ABHD5: variants seen among roughly 807,000 people sequenced by gnomAD.
The protein encoded by ABHD5 is 1-acylglycerol-3-phosphate O-acyltransferase ABHD5.
A neutral mutation model predicts 44.9 loss-of-function variants in ABHD5; 30 were observed. That is an observed-to-expected ratio of 0.67 (90% CI 0.50 to 0.91). The LOEUF (loss-of-function observed/expected upper bound fraction) is 0.91, where lower values mean the gene tolerates loss of function less well. Among genes scored for constraint, ABHD5 ranks in the 40% least tolerant of loss-of-function variants. The probability of loss-of-function intolerance (pLI) is 0.00; values close to 1 mark genes in which losing one functional copy is unlikely to be tolerated. For synonymous variants in ABHD5, 167 were observed against 147.0 expected, an observed-to-expected ratio of 1.14 and a Z score of -0.99; for missense variants, 399 against 423.4, an observed-to-expected ratio of 0.94 and a Z score of 0.50.
chr3:43,700,784 G>A (rs752713097), intron 2 of ABHD5, among the ~76,000 whole-genome samples: 11 of 151,254 alleles, frequency 7.3e-5, no homozygotes, highest in Admixed American at 4.6e-4. Flanking sequence ...ATGTTGACCA[G>A]GCTAGTCTTG....
intron 3 of ABHD5, among the ~76,000 whole-genome samples, chr3:43,704,033 CTTTTTTTTTTTT>C (rs10544525): frequency 2.6e-3 from 219 of 84,878 alleles, no homozygotes; most frequent in African/African-American, 0.01. Context: ...TCTTTATTTT[CTTTTTTTTTTTT>C]TTTTTTTTTT....
intron 5 of ABHD5, 106 bp downstream of exon 5, chr3:43,715,164 T>G: frequency 1.2e-6 from 1 of 815,448 alleles, no homozygotes; most frequent in Non-Finnish European, 2.0e-6. Flanking sequence ...ATTTATTTAT[T>G]TATTTATTCA....
intron 1 of ABHD5, among the ~76,000 whole-genome samples, chr3:43,696,544 G>A (rs1342924768): frequency 2.0e-5 from 3 of 152,298 alleles, no homozygotes; most frequent in Admixed American, 6.5e-5. Flanking sequence ...CCCGAAGACA[G>A]GAGGTAGAGT....
intron 6 of ABHD5, among the ~76,000 whole-genome samples, chr3:43,718,088 C>T (rs1244702421): frequency 6.6e-6 from 1 of 152,198 alleles, no homozygotes; most frequent in East Asian, 1.9e-4. Flanking sequence ...CCTAGAGCCA[C>T]AGCATTAGGA....
In ABHD5 at chr3:43,706,957, C is replaced by T. The variant is rs555626984; in HGVS notation, c.506+4370C>T. On this transcript the variant is annotated intron_variant, in intron 3 of 6. Coordinates refer to ENST00000644371, the MANE Select transcript of ABHD5 (RefSeq NM_016006.6). The stretch of plus-strand genomic sequence containing the variant: ...TTATGGGCAGCTCCATTCTTCCATT[C>T]GTTACTTTTATAGGACAGTTTGAAG... 9.9e-4 allele frequency among the ~76,000 whole-genome samples: 151 copies of T among 152,258 alleles called. 1 individual carries two copies. The highest frequency in any genetic ancestry group is 3.5e-3 in the African/African-American group (147 of 41,548).
intron 1 of ABHD5, 196 bp downstream of exon 1, chr3:43,691,235 C>G (rs1305359505): frequency 1.1e-5 from 5 of 466,252 alleles, no homozygotes; most frequent in African/African-American, 2.0e-5. Context: ...AGAGGCTCCC[C>G]TCAGCGTCGG....
intron 5 of ABHD5, among the ~76,000 whole-genome samples, chr3:43,715,341 T>TG (rs1267539584): frequency 2.0e-5 from 3 of 152,062 alleles, no homozygotes; most frequent in Non-Finnish European, 4.4e-5. Flanking sequence ...TTTTGTATTT[T>TG]TAGTAGAGAC....
chr3:43,717,479 C>T (rs376774135), intron 5 of ABHD5, among the ~76,000 whole-genome samples, 192 bp from the exon 6 acceptor site: 1 of 152,216 alleles, frequency 6.6e-6, no homozygotes, highest in Non-Finnish European at 1.5e-5. Context: ...GAGTATACAA[C>T]AGCCTTGCTT....
At chr3:43,723,310 C>G (rs2084856062), downstream of ABHD5, among the ~76,000 whole-genome samples, 1 of 152,058 alleles carries the variant, frequency 6.6e-6, no homozygotes, top group Non-Finnish European at 1.5e-5. Flanking sequence ...TATCAAGTTA[C>G]CCTGATAAGG....
chr3:43,716,205 T>A (rs1331218301), intron 5 of ABHD5, among the ~76,000 whole-genome samples: 1 of 151,836 alleles, frequency 6.6e-6, no homozygotes, highest in East Asian at 1.9e-4. Flanking sequence ...AAGAATAGAG[T>A]GCAAAGATGA....
Position 43,699,351 on chromosome 3 carries a change from G to A in ABHD5, c.123G>A (p.Lys41=). The change falls in exon 2 of 7, where the codon AAG becomes AAA. Residue 41 remains lysine, a synonymous_variant. Coordinates refer to ENST00000644371, the MANE Select transcript of ABHD5 (RefSeq NM_016006.6). ...SISHLKEAEE[K]MLKCVPCTYK... ...CACACCTTAAAGAAGCTGAAGAGAAGATGTTAAAATGTAAGGCTTTCTTCT... is the reference window on the plus strand; with the variant it reads ...CACACCTTAAAGAAGCTGAAGAGAAAATGTTAAAATGTAAGGCTTTCTTCT... 6.2e-7 allele frequency: 1 copy of A among 1,613,296 alleles called. No homozygotes were observed. The highest frequency in any genetic ancestry group is 8.5e-7 in the Non-Finnish European group (1 of 1,179,276).
At chr3:43,701,183 G>T (rs184619560) in intron 2 of ABHD5, among the ~76,000 whole-genome samples, 2 of 152,182 alleles carry the variant, frequency 1.3e-5, no homozygotes, top group South Asian at 4.1e-4. Context: ...ATACACAGAC[G>T]TATGTGTTCA....
chr3:43,717,688 A>G lies in ABHD5; in HGVS notation c.791A>G (p.Lys264Arg). Residue 264 changes from lysine to arginine, a missense_variant, in exon 6 of 7, where the codon AAG (lysine) becomes AGG (arginine). Coordinates refer to ENST00000644371, the MANE Select transcript of ABHD5 (RefSeq NM_016006.6). ...CGTTAAAGTGGTGAGACAGCTTTCA[A>G]GAATATGACTATTCCTTATGGATGG... The part of the protein sequence containing the change: ...VQTPSGETAF[K>R]NMTIPYGWAK... The G allele has an allele frequency of 6.2e-7, 1 of 1,614,236 alleles. No homozygotes were observed. Among genetic ancestry groups the G allele is most frequent in the Non-Finnish European group, 8.5e-7 (1 of 1,180,036 alleles).
downstream of ABHD5, among the ~76,000 whole-genome samples, chr3:43,726,922 C>T (rs145106787): frequency 6.6e-6 from 1 of 152,178 alleles, no homozygotes; most frequent in Non-Finnish European, 1.5e-5. Context: ...TCGGGCAGTT[C>T]ATTTGGTTGG....
In ABHD5 at chr3:43,718,307, T is replaced by C; in HGVS notation, c.961-136T>C. 3.9e-6 allele frequency: 3 copies of C among 773,214 alleles called. No individual in the cohort carries two copies. The Admixed American group carries it at 5.5e-5, about 14-fold the overall frequency. 47.9% of individuals were successfully genotyped at this position (773,214 alleles called of 1,614,324 possible). On this transcript the variant is annotated intron_variant, in intron 6 of 6. Coordinates refer to ENST00000644371, the MANE Select transcript of ABHD5 (RefSeq NM_016006.6). ...TATACTTAATAGTTACTATAGATTA[T>C]TGTTATTTTTTAATCACGTGTTTTA...
At chr3:43,712,350 C>T (rs1451019881) in intron 4 of ABHD5, among the ~76,000 whole-genome samples, 1 of 152,170 alleles carries the variant, frequency 6.6e-6, no homozygotes, top group East Asian at 1.9e-4. Flanking sequence ...TTATCCATGT[C>T]AGAGTGTTGG....
chr3:43,710,398 A>G lies in ABHD5; in HGVS notation c.507-1311A>G, dbSNP rs147293016. On this transcript the variant is annotated intron_variant, in intron 3 of 6. Coordinates refer to ENST00000644371, the MANE Select transcript of ABHD5 (RefSeq NM_016006.6). The stretch of plus-strand genomic sequence containing the variant: ...TTTAGAAAATAAAGCCTTCTGCCCA[A>G]TTCCTTGTCGGCATCTGCTGGTATG... Among the ~76,000 whole-genome samples, 1,357 of 152,284 alleles carry G rather than the reference A, an allele frequency of 8.9e-3. 7 individuals are homozygous for G. The highest frequency in any genetic ancestry group is 0.019 in the African/African-American group (772 of 41,546).
chr3:43,697,158 A>G (rs928675934), intron 1 of ABHD5, among the ~76,000 whole-genome samples: 3 of 152,296 alleles, frequency 2.0e-5, no homozygotes, highest in Admixed American at 6.5e-5. Flanking sequence ...ACAGGCTGGT[A>G]TGTAACTTTT....
chr3:43,715,305 C>A (rs1288506829), intron 5 of ABHD5, among the ~76,000 whole-genome samples: 3 of 152,124 alleles, frequency 2.0e-5, no homozygotes, highest in South Asian at 2.1e-4. Flanking sequence ...GGATTACAGG[C>A]ATGTGCCACC....
Sources: allele counts gnomAD v4.1 joint callset (sites outside exome capture counted in the v4.1 genomes callset), GRCh38; gene constraint gnomAD v4.1.1; transcripts MANE v1.5; gene names NCBI Gene and HGNC (gene_info 2026-07-23, HGNC 2026-07-21).